The following EFCC1 variants were observed in gnomAD, a reference collection of about 807,000 sequenced individuals.
EFCC1 encodes the protein EF-hand and coiled-coil domain containing 1.
In EFCC1, 50 loss-of-function variants were observed where a neutral mutation model predicts 52.1. That is an observed-to-expected ratio of 0.96 (90% confidence interval 0.76 to 1.21). The LOEUF is 1.21. Ranked by LOEUF, EFCC1 falls within the 50% of genes most tolerant of loss-of-function variation. The pLI, the probability that EFCC1 is intolerant of heterozygous loss-of-function variation, is 0.00. For missense variants in EFCC1, 837 were observed against 867.3 expected, an observed-to-expected ratio of 0.97 and a Z score of 0.44; for synonymous variants, 399 against 396.5, an observed-to-expected ratio of 1.01 and a Z score of -0.08.
In EFCC1 at chr3:129,010,340, G is replaced by A. The variant is rs759421654; in HGVS notation, c.980+6263G>A. ...CCCTTGATGGGGCCTTCAGGACACC[G>A]GGGCAGGGCAGGCAGCCTAGGGCCA... On this transcript the variant is annotated intron_variant, in intron 2 of 7. Coordinates refer to ENST00000683648, the MANE Select transcript of EFCC1 (RefSeq NM_001377500.1). This position sits in a 1 kb window ranked among gnomAD's most constrained non-coding sequence, Gnocchi z 4.3. Among the ~76,000 whole-genome samples, 37 of 152,354 alleles carry A rather than the reference G, an allele frequency of 2.4e-4. No homozygotes were observed. The highest frequency in any genetic ancestry group is 6.5e-4 in the African/African-American group (27 of 41,584).
In EFCC1 at chr3:129,032,976, C is replaced by A. The variant is rs1216552782; in HGVS notation, c.1286+10C>A. The stretch of plus-strand genomic sequence containing the variant: ...CCAGCTGCAGAGGCAGGTGTGTGGC[C>A]CGTCCAGCGTCAGCCACTGTGGGCC... On this transcript the variant is annotated intron_variant, in intron 4 of 7. Coordinates refer to ENST00000683648, the MANE Select transcript of EFCC1 (RefSeq NM_001377500.1). The A allele has an allele frequency of 6.5e-7, 1 of 1,527,806 alleles. No homozygotes were observed. 94.6% of individuals were successfully genotyped at this position (1,527,806 alleles called of 1,614,324 possible).
chr3:129,025,903 A>T (rs947836955), intron 2 of EFCC1, among the ~76,000 whole-genome samples: 2 of 152,230 alleles, frequency 1.3e-5, no homozygotes, highest in Non-Finnish European at 2.9e-5. Flanking sequence ...ACCCACTGAC[A>T]ACGGCAGCTG....
chr3:129,001,601 C>A lies in EFCC1; in HGVS notation c.-28C>A. 1 of 1,355,460 alleles carries A rather than the reference C, an allele frequency of 7.4e-7. No individual in the cohort carries two copies. Among genetic ancestry groups the A allele is most frequent in the Non-Finnish European group, 9.4e-7 (1 of 1,060,782 alleles). The allele number at this position is 1,355,460 out of a possible 1,614,324, so 84.0% of individuals were successfully genotyped here. On this transcript the variant is annotated 5_prime_UTR_variant, in exon 1 of 8. Transcript: ENST00000683648. ...CGGGGCGAAGGGACCGGAGGAGGGACCGGAGGAGCGAGGCGCGCGGCGCAG... is the reference window on the plus strand; with the variant it reads ...CGGGGCGAAGGGACCGGAGGAGGGAACGGAGGAGCGAGGCGCGCGGCGCAG...
At chr3:129,026,977 A>C (rs1232575703) in intron 2 of EFCC1, among the ~76,000 whole-genome samples, 3 of 152,188 alleles carry the variant, frequency 2.0e-5, no homozygotes, top group Non-Finnish European at 4.4e-5. Flanking sequence ...AGCCTGATCC[A>C]GCAGCTCAAC....
intron 2 of EFCC1, among the ~76,000 whole-genome samples, chr3:129,011,422 G>A (rs1390518985): frequency 6.6e-6 from 1 of 152,008 alleles, no homozygotes; most frequent in African/African-American, 2.4e-5. Context: ...GTCCTGGCAC[G>A]TGCCTGTAAT....
Position 129,040,042 on chromosome 3 carries a change from G to A in EFCC1, c.*194G>A, listed in dbSNP as rs574340080. ...AGCACCTGGCAGCCACCCCTTCCTC[G>A]GGCTCCTCCACATTACCTCGCAGCC... On this transcript the variant is annotated 3_prime_UTR_variant, in exon 8 of 8. Transcript: ENST00000683648. This position sits in a 1 kb window ranked among gnomAD's most constrained non-coding sequence, Gnocchi z 4.4. 3.7e-5 allele frequency: 23 copies of A among 623,132 alleles called. No individual in the cohort carries two copies. Among genetic ancestry groups the A allele is most frequent in the African/African-American group, 2.5e-4 (13 of 52,860 alleles). The allele number at this position is 623,132 out of a possible 1,614,324, so 38.6% of individuals were successfully genotyped here. A position where few individuals can be genotyped will look rare whatever the true frequency, so the allele number is the denominator to read the frequency against.
At position 129,039,757 on chromosome 3, in the gene EFCC1, C is replaced by G. The variant is rs767960796; in HGVS notation, c.1709C>G (p.Ala570Gly). ...GCCATCCTGGATGCCCTGCACCAAG[C>G]CTTGGCTGCCTGCCAGCTGTTGCGG... ...PAAILDALHQALAACQLLRRQ... is the reference protein window; with the variant it reads ...PAAILDALHQGLAACQLLRRQ... Residue 570 changes from alanine (A) to glycine (G), a missense_variant, in exon 8 of 8, where the codon GCC becomes GGC. Ala to Gly is a moderately conservative substitution (Grantham distance 60). Coordinates refer to ENST00000683648, the MANE Select transcript of EFCC1 (RefSeq NM_001377500.1). 2.5e-6 allele frequency: 4 copies of G among 1,612,110 alleles called. No homozygotes were observed. In the Admixed American group the frequency reaches 6.7e-5, roughly 27 times the overall value.
At chr3:129,019,011 C>G (rs1945712771) in intron 2 of EFCC1, among the ~76,000 whole-genome samples, 1 of 152,182 alleles carries the variant, frequency 6.6e-6, no homozygotes, top group Non-Finnish European at 1.5e-5. Flanking sequence ...ACACCAAGTG[C>G]GTGTCCTCCC....
rs1052566857 is a variant in EFCC1 at position 129,001,795 on chromosome 3, A to G, written c.167A>G (p.Asp56Gly). 6 of 1,544,812 alleles carry G rather than the reference A, an allele frequency of 3.9e-6. No individual in the cohort carries two copies. The African/African-American group carries it at 6.9e-5, about 18-fold the overall frequency. Reference protein sequence around the residue: ...NEIVVLATGLDQYLQEVFHHL... With the variant: ...NEIVVLATGLGQYLQEVFHHL... ...ATCGTGGTGCTGGCCACCGGCCTGG[A>G]CCAGTACCTGCAGGAGGTCTTCCAC... The change falls in exon 1 of 8, where the codon GAC becomes GGC. Residue 56 changes from aspartate (D) to glycine (G), a missense_variant. Physicochemically the swap from Asp to Gly is moderately conservative, Grantham distance 94. Transcript: ENST00000683648.
At chr3:129,033,032 G>C in intron 4 of EFCC1, 66 bp downstream of exon 4, 1 of 1,432,320 alleles carries the variant, frequency 7.0e-7, no homozygotes, top group Non-Finnish European at 9.2e-7. Flanking sequence ...GGGAAGCCAG[G>C]AGCACCTGGG....
At position 129,003,825 on chromosome 3, in the gene EFCC1, A is replaced by T. The variant is rs1944922483; in HGVS notation, c.728A>T (p.His243Leu). 2.7e-6 allele frequency: 4 copies of T among 1,465,548 alleles called. No homozygotes were observed. Among genetic ancestry groups the T allele is most frequent in the Non-Finnish European group, 3.6e-6 (4 of 1,113,440 alleles). 90.8% of individuals were successfully genotyped at this position (1,465,548 alleles called of 1,614,324 possible). A position where few individuals can be genotyped will look rare whatever the true frequency, so the allele number is the denominator to read the frequency against. ...VGLWKSQAST[H>L]EMGHGGPEAA... ...CTCTGGAAGAGCCAGGCGAGCACCC[A>T]CGAGATGGGGCACGGCGGGCCGGAG... The change falls in exon 2 of 8, where the codon CAC becomes CTC. Residue 243 changes from histidine to leucine, a missense_variant. Coordinates refer to ENST00000683648, the MANE Select transcript of EFCC1 (RefSeq NM_001377500.1).
intron 2 of EFCC1, among the ~76,000 whole-genome samples, chr3:129,013,665 T>G (rs946660486): frequency 6.6e-6 from 1 of 152,108 alleles, no homozygotes; most frequent in African/African-American, 2.4e-5. Flanking sequence ...ACCAGGGAAA[T>G]GGAGCATGCT....
At chr3:129,023,429 C>T (rs764030067) in intron 2 of EFCC1, among the ~76,000 whole-genome samples, 28 of 151,832 alleles carry the variant, frequency 1.8e-4, no homozygotes, top group Admixed American at 3.3e-4. Flanking sequence ...CCTGGGTTCA[C>T]GGCATTCTCC....
chr3:129,013,794 G>A (rs1237256860), intron 2 of EFCC1, among the ~76,000 whole-genome samples: 1 of 152,236 alleles, frequency 6.6e-6, no homozygotes, highest in Non-Finnish European at 1.5e-5. Flanking sequence ...CAAGAGAAAT[G>A]GAGGAGTCTG....
intron 2 of EFCC1, among the ~76,000 whole-genome samples, chr3:129,027,481 G>C (rs984172174): frequency 6.6e-6 from 1 of 152,176 alleles, no homozygotes; most frequent in Non-Finnish European, 1.5e-5. Flanking sequence ...CCAGTCACGC[G>C]GATCAGCCGC....
At chr3:129,006,731 G>GGT (rs1945091261) in intron 2 of EFCC1, among the ~76,000 whole-genome samples, 1 of 152,112 alleles carries the variant, frequency 6.6e-6, no homozygotes, top group African/African-American at 2.4e-5. Flanking sequence ...CTATGTGAAG[G>GGT]GCACACGGTG....
At chr3:129,024,609 G>A (rs1262461550) in intron 2 of EFCC1, among the ~76,000 whole-genome samples, 1 of 152,146 alleles carries the variant, frequency 6.6e-6, no homozygotes, top group African/African-American at 2.4e-5. Flanking sequence ...TAAAGGGCAT[G>A]TCACATCTGG....
chr3:129,024,607 A>G (rs693476), intron 2 of EFCC1, among the ~76,000 whole-genome samples: 39,838 of 152,046 alleles, frequency 0.26, 5,574 homozygotes, highest in Middle Eastern at 0.39. Flanking sequence ...AGTAAAGGGC[A>G]TGTCACATCT....
At chr3:129,034,983 T>A (rs1198783589) in intron 5 of EFCC1, among the ~76,000 whole-genome samples, 1 of 151,822 alleles carries the variant, frequency 6.6e-6, no homozygotes, top group East Asian at 1.9e-4. Context: ...CATCCAGCTG[T>A]CTCCATTTCA....
Sources: gnomAD v4.1 joint callset for allele counts (sites outside exome capture counted in the v4.1 genomes callset) on GRCh38, gnomAD v4.1.1 for gene constraint, Gnocchi (gnomAD v3.1) non-coding constraint, MANE v1.5 for transcripts, NCBI Gene and HGNC (gene_info 2026-07-23, HGNC 2026-07-21) for gene names.